EBF1: variants seen among roughly 807,000 people sequenced by gnomAD.
EBF1 encodes transcription factor COE1.
In EBF1, 10 loss-of-function variants were observed where a neutral mutation model predicts 68.4. That is an observed-to-expected ratio of 0.15 (90% CI 0.09 to 0.25). The LOEUF is 0.25. Among genes scored for constraint, EBF1 ranks in the 10% least tolerant of loss-of-function variants. The pLI, the probability that EBF1 is intolerant of heterozygous loss-of-function variation, is 1.00. For synonymous variants in EBF1, 298 were observed against 299.8 expected (o/e 0.99, Z 0.06); for missense variants, 509 against 794.4 (o/e 0.64, Z 4.32).
At chr5:158,995,199 C>G (rs1472184312) in intron 6 of EBF1, among the ~76,000 whole-genome samples, 4 of 152,124 alleles carry the variant, frequency 2.6e-5, no homozygotes, top group African/African-American at 9.7e-5. Context: ...GGTGCTACCC[C>G]AGATTTTCCT....
At chr5:159,018,065 G>A (rs1457025977) in intron 6 of EBF1, among the ~76,000 whole-genome samples, 2 of 149,050 alleles carry the variant, frequency 1.3e-5, no homozygotes, top group African/African-American at 2.5e-5. Context: ...ACCTCCCATC[G>A]CTAACCCCAC....
chr5:158,787,338 G>A (rs893314541), intron 9 of EBF1, among the ~76,000 whole-genome samples: 2 of 152,120 alleles, frequency 1.3e-5, no homozygotes, highest in Admixed American at 6.6e-5. Flanking sequence ...CTGTCACTGA[G>A]CCTGTATCCA....
intron 9 of EBF1, 33 bp downstream of exon 9, chr5:158,796,312 G>A: frequency 6.3e-7 from 1 of 1,588,446 alleles, no homozygotes; most frequent in South Asian, 1.2e-5. Context: ...ACTAGATCAA[G>A]CTATTAGATA....
chr5:159,002,911 T>C (rs1762827915), intron 6 of EBF1, among the ~76,000 whole-genome samples: 1 of 152,206 alleles, frequency 6.6e-6, no homozygotes, highest in African/African-American at 2.4e-5. Context: ...TGCAGCTGTG[T>C]AGGAAAGTTG....
At chr5:158,817,968 T>C (rs1344072782) in intron 8 of EBF1, among the ~76,000 whole-genome samples, 1 of 152,172 alleles carries the variant, frequency 6.6e-6, no homozygotes, top group Non-Finnish European at 1.5e-5. Context: ...ATTTCTCTGT[T>C]CCCAGGAAGC....
At chr5:158,828,560 A>G (rs1786741006) in intron 7 of EBF1, among the ~76,000 whole-genome samples, 1 of 152,218 alleles carries the variant, frequency 6.6e-6, no homozygotes, top group Non-Finnish European at 1.5e-5. Flanking sequence ...CTAAAAATAC[A>G]CCCACACAAA....
At chr5:159,035,913 A>C (rs1328226508) in intron 6 of EBF1, among the ~76,000 whole-genome samples, 1 of 152,180 alleles carries the variant, frequency 6.6e-6, no homozygotes, top group Non-Finnish European at 1.5e-5. Flanking sequence ...TACCATTAAA[A>C]GATTCAGTCC....
At chr5:158,882,624 C>A (rs540068389) in intron 6 of EBF1, among the ~76,000 whole-genome samples, 19 of 152,274 alleles carry the variant, frequency 1.2e-4, no homozygotes, top group Non-Finnish European at 2.1e-4. Context: ...CTGTGTCCAA[C>A]CTTATCACAA....
intron 6 of EBF1, among the ~76,000 whole-genome samples, chr5:159,019,404 C>A (rs779941436): frequency 2.0e-5 from 3 of 152,090 alleles, no homozygotes; most frequent in Non-Finnish European, 4.4e-5. Context: ...TCTGTGTATA[C>A]CTGCATAACA....
At chr5:158,930,216 C>T (rs1384750933) in intron 6 of EBF1, among the ~76,000 whole-genome samples, 1 of 150,702 alleles carries the variant, frequency 6.6e-6, no homozygotes, top group East Asian at 1.9e-4. Flanking sequence ...GGACCTAAAA[C>T]AAAACTTGAG....
chr5:158,978,833 C>CAG (rs60855237), intron 6 of EBF1, among the ~76,000 whole-genome samples: 2,165 of 120,100 alleles, frequency 0.018, 32 homozygotes, highest in African/African-American at 0.048. Context: ...CACACACACA[C>CAG]ACAGAGAGAG....
At chr5:159,054,943 G>C (rs961552253) in intron 6 of EBF1, among the ~76,000 whole-genome samples, 2 of 152,110 alleles carry the variant, frequency 1.3e-5, no homozygotes, top group Non-Finnish European at 2.9e-5. Context: ...TCTTGCCCAA[G>C]TTATGCTACC....
At chr5:158,925,419 T>C (rs1483425309) in intron 6 of EBF1, among the ~76,000 whole-genome samples, 1 of 152,210 alleles carries the variant, frequency 6.6e-6, no homozygotes, top group African/African-American at 2.4e-5. Flanking sequence ...ACTGGATAGA[T>C]AAATGGAAGA....
At chr5:159,005,156 C>T (rs1763308673) in intron 6 of EBF1, among the ~76,000 whole-genome samples, 1 of 152,158 alleles carries the variant, frequency 6.6e-6, no homozygotes, top group South Asian at 2.1e-4. Flanking sequence ...AGGAAACAAC[C>T]CACAAGAGCA....
chr5:158,797,001 A>T (rs1364161870), intron 8 of EBF1, among the ~76,000 whole-genome samples: 1 of 152,138 alleles, frequency 6.6e-6, no homozygotes, highest in Middle Eastern at 3.2e-3. Context: ...ATTAAAAATC[A>T]TTACGATTTT....
At position 159,099,546 on chromosome 5, in the gene EBF1, A is replaced by G; in HGVS notation, c.-68T>C. 1 of 1,384,594 alleles carries G rather than the reference A, an allele frequency of 7.2e-7. No individual in the cohort carries two copies. Among genetic ancestry groups the G allele is most frequent in the South Asian group, 1.7e-5 (1 of 59,830 alleles). 85.8% of individuals were successfully genotyped at this position (1,384,594 alleles called of 1,614,324 possible). ...AAAATTAAAAAAAAAAAAAAAGGAAAGAAAAGAAAGAAAAGAAAAGAAACA... is the reference window on the plus strand; with the variant it reads ...AAAATTAAAAAAAAAAAAAAAGGAAGGAAAAGAAAGAAAAGAAAAGAAACA... On this transcript the variant is annotated 5_prime_UTR_variant, in exon 1 of 16. Coordinates refer to ENST00000313708, the MANE Select transcript of EBF1 (RefSeq NM_024007.5).
chr5:158,755,895 A>T (rs951549418), intron 10 of EBF1, among the ~76,000 whole-genome samples: 8 of 152,176 alleles, frequency 5.3e-5, no homozygotes, highest in Non-Finnish European at 1.0e-4. Flanking sequence ...TATGATTCTG[A>T]ACGAAATAGT....
intron 6 of EBF1, among the ~76,000 whole-genome samples, chr5:158,940,182 C>T (rs1812931209): frequency 6.6e-6 from 1 of 152,150 alleles, no homozygotes; most frequent in Admixed American, 6.5e-5. Flanking sequence ...AGCAACTAGC[C>T]AAGGAGCTGG....
At chr5:158,952,551 C>T (rs1816238707) in intron 6 of EBF1, among the ~76,000 whole-genome samples, 2 of 152,150 alleles carry the variant, frequency 1.3e-5, no homozygotes, top group Admixed American at 1.3e-4. Context: ...ATTAGCATGT[C>T]ATTAATGAAT....
Sources: allele counts gnomAD v4.1 joint callset (sites outside exome capture counted in the v4.1 genomes callset), GRCh38; gene constraint gnomAD v4.1.1; transcripts MANE v1.5; gene names NCBI Gene and HGNC (gene_info 2026-07-23, HGNC 2026-07-21).